Variants in APPL2 observed in about 807,000 individuals in gnomAD.
APPL2 encodes the protein DCC-interacting protein 13-beta.
APPL2 carries 84 observed loss-of-function variants against 92.7 expected under a neutral mutation model. The observed-to-expected ratio is 0.91, with a 90% CI of 0.76 to 1.09. The LOEUF is 1.09. Ranked by LOEUF, APPL2 falls within the 50% of genes least tolerant of loss-of-function variation. APPL2 has a pLI of 0.00. For missense variants in APPL2, 736 were observed against 824.5 expected (o/e 0.89, Z 1.31); for synonymous variants, 291 against 291.0 (o/e 1.00, Z 0.00).
chr12:105,197,346 C>T (rs1487918134), intron 11 of APPL2, among the ~76,000 whole-genome samples: 1 of 152,176 alleles, frequency 6.6e-6, no homozygotes, highest in Non-Finnish European at 1.5e-5. Context: ...CCTGCTTCTG[C>T]TGGAAAAATG....
At chr12:105,190,998 A>T (rs1566061628) in intron 14 of APPL2, among the ~76,000 whole-genome samples, 1 of 152,208 alleles carries the variant, frequency 6.6e-6, no homozygotes, top group African/African-American at 2.4e-5. Flanking sequence ...ATGTATTTTG[A>T]TTTCTTTCAT....
intron 17 of APPL2, among the ~76,000 whole-genome samples, chr12:105,181,028 T>C (rs778901668): frequency 3.9e-5 from 6 of 152,188 alleles, no homozygotes; most frequent in Admixed American, 3.9e-4. Flanking sequence ...GAGGGCATCC[T>C]TGTCTTGTGC....
At chr12:105,207,235 A>G in intron 7 of APPL2, 28 bp from the exon 8 acceptor site, 1 of 1,604,110 alleles carries the variant, frequency 6.2e-7, no homozygotes, top group Non-Finnish European at 8.5e-7. Context: ...GGAAAACTTC[A>G]AGTTGTCTAC....
chr12:105,204,859 G>C (rs1161368215), intron 8 of APPL2, among the ~76,000 whole-genome samples: 1 of 152,182 alleles, frequency 6.6e-6, no homozygotes, highest in Non-Finnish European at 1.5e-5. Context: ...GTAAGACACT[G>C]GCTCTACAGC....
chr12:105,203,805 T>A lies in APPL2; in HGVS notation c.622-20A>T, dbSNP rs1257345152. ...GTTAATCTGAAAGATATAATTATAA[T>A]ATTCTGAAAATCATCCAGGGAAGTG... On this transcript the variant is annotated intron_variant, in intron 8 of 20. Transcript: ENST00000258530. The A allele has an allele frequency of 6.3e-7, 1 of 1,595,338 alleles. No homozygotes were observed. The highest frequency in any genetic ancestry group is 8.6e-7 in the Non-Finnish European group (1 of 1,163,034).
Position 105,217,651 on chromosome 12 carries a change from TA to T in APPL2, c.213+14del. 2 of 1,613,852 alleles carry T rather than the reference TA, an allele frequency of 1.2e-6. No homozygotes were observed. Among genetic ancestry groups the T allele is most frequent in the Non-Finnish European group, 1.7e-6 (2 of 1,179,902 alleles). On this transcript the variant is annotated intron_variant, in intron 3 of 20. Transcript: ENST00000258530. The stretch of plus-strand genomic sequence containing the variant: ...GAACACAGCAGCATCACAGGCCACA[TA>T]AATACCAAGTTACCTGTTTTTCATA...
intron 16 of APPL2, among the ~76,000 whole-genome samples, chr12:105,189,423 A>C (rs986662365): frequency 6.6e-6 from 1 of 152,246 alleles, no homozygotes; most frequent in Non-Finnish European, 1.5e-5. Context: ...CTTCAAATTC[A>C]AGAACAAGTT....
chr12:105,200,190 T>A (rs187023980), intron 9 of APPL2, among the ~76,000 whole-genome samples: 1 of 152,136 alleles, frequency 6.6e-6, no homozygotes, highest in African/African-American at 2.4e-5. Context: ...GCACCGTTGA[T>A]GGAAATTTTT....
At chr12:105,227,894 G>A (rs991645046) in intron 2 of APPL2, among the ~76,000 whole-genome samples, 8 of 152,204 alleles carry the variant, frequency 5.3e-5, no homozygotes, top group Non-Finnish European at 1.2e-4. Context: ...GGAAGTTCCT[G>A]GATGCTATTA....
At chr12:105,187,366 A>G (rs910775461) in intron 17 of APPL2, among the ~76,000 whole-genome samples, 3 of 152,210 alleles carry the variant, frequency 2.0e-5, no homozygotes, top group African/African-American at 7.2e-5. Context: ...ATATTAGCAC[A>G]TTTATTCCTC....
At chr12:105,234,243 T>C (rs1230979041) in intron 1 of APPL2, among the ~76,000 whole-genome samples, 1 of 152,244 alleles carries the variant, frequency 6.6e-6, no homozygotes, top group Non-Finnish European at 1.5e-5. Context: ...CATGTAGATA[T>C]GACAATGTTA....
chr12:105,195,665 G>C (rs746593675), intron 11 of APPL2, 38 bp from the exon 12 acceptor site: 2 of 1,608,982 alleles, frequency 1.2e-6, no homozygotes, highest in Non-Finnish European at 1.7e-6. Context: ...GTGCTTCCCT[G>C]ATCTCAGTGA....
chr12:105,193,497 T>C (rs1339818138), intron 14 of APPL2, among the ~76,000 whole-genome samples: 1 of 152,214 alleles, frequency 6.6e-6, no homozygotes, highest in Non-Finnish European at 1.5e-5. Flanking sequence ...ATTCCCTCCA[T>C]TGTGCACATC....
intron 8 of APPL2, among the ~76,000 whole-genome samples, chr12:105,204,222 C>CTG (rs1888498225): frequency 1.3e-5 from 2 of 152,208 alleles, no homozygotes; most frequent in African/African-American, 4.8e-5. Flanking sequence ...TTTTCTATGT[C>CTG]TGCTGGTTGG....
chr12:105,190,835 C>G (rs1268253473), intron 14 of APPL2, among the ~76,000 whole-genome samples: 2 of 152,236 alleles, frequency 1.3e-5, no homozygotes, highest in Non-Finnish European at 2.9e-5. Flanking sequence ...CATTGTGGCC[C>G]ATCAAATACT....
chr12:105,229,112 G>T lies in APPL2; in HGVS notation c.153+13C>A. ...CCCACTCTGCGGTATCCAGGTGAGG[G>T]GTGGCAGCATACCTGGGCTCCATAG... On this transcript the variant is annotated intron_variant, in intron 2 of 20. Transcript: ENST00000258530. The T allele has an allele frequency of 6.2e-7, 1 of 1,605,320 alleles. No individual in the cohort carries two copies. The highest frequency in any genetic ancestry group is 2.1e-4 in the Middle Eastern group (1 of 4,710).
chr12:105,184,066 G>A (rs1334873075), intron 17 of APPL2, among the ~76,000 whole-genome samples: 1 of 152,054 alleles, frequency 6.6e-6, no homozygotes, highest in African/African-American at 2.4e-5. Context: ...TGATACTTGT[G>A]TATGCTTCAC....
chr12:105,214,014 C>T (rs1459954567), intron 4 of APPL2, among the ~76,000 whole-genome samples: 2 of 151,790 alleles, frequency 1.3e-5, no homozygotes, highest in African/African-American at 4.8e-5. Flanking sequence ...GGAGAAACCC[C>T]GTCTCTACTA....
At chr12:105,224,730 G>A (rs987917361) in intron 2 of APPL2, among the ~76,000 whole-genome samples, 3 of 152,162 alleles carry the variant, frequency 2.0e-5, no homozygotes, top group Non-Finnish European at 4.4e-5. Flanking sequence ...AAAACATGCA[G>A]CTGTGACCCT....
Sources: allele counts gnomAD v4.1 joint callset (sites outside exome capture counted in the v4.1 genomes callset), GRCh38; gene constraint gnomAD v4.1.1; transcripts MANE v1.5; gene names NCBI Gene and HGNC (gene_info 2026-07-23, HGNC 2026-07-21).